Variants in ZFHX3 observed in about 807,000 individuals in gnomAD.
The protein encoded by ZFHX3 is zinc finger homeobox 3, also known as zinc finger homeobox protein 3.
In ZFHX3, 42 loss-of-function variants were observed where a neutral mutation model predicts 279.1. The observed-to-expected ratio is 0.15, with a 90% CI of 0.12 to 0.19. ZFHX3 has a LOEUF of 0.19. ZFHX3 is among the 10% of genes least tolerant of loss of function. The pLI, the probability that ZFHX3 is intolerant of heterozygous loss-of-function variation, is 1.00. For synonymous variants in ZFHX3, 2,293 were observed against 1,957.8 expected (o/e 1.17, Z -4.52); for missense variants, 4,981 against 4,754.0 (o/e 1.05, Z -1.40).
At chr16:72,848,916 C>A (rs964269264) in intron 4 of ZFHX3, among the ~76,000 whole-genome samples, 1 of 40 alleles carries the variant, frequency 0.025, no homozygotes. Context: ...CTCAGGCAGG[C>A]AGGCAGAGCG....
intron 6 of ZFHX3, among the ~76,000 whole-genome samples, chr16:73,135,068 ACT>A (rs1390753922): frequency 6.6e-6 from 1 of 152,132 alleles, no homozygotes; most frequent in Non-Finnish European, 1.5e-5. Flanking sequence ...AGACTGATAC[ACT>A]CTCTGAATAC....
intron 1 of ZFHX3, among the ~76,000 whole-genome samples, chr16:73,838,051 C>G (rs1477690488): frequency 6.6e-6 from 1 of 152,206 alleles, no homozygotes; most frequent in Non-Finnish European, 1.5e-5. Context: ...ATGGTTGGCT[C>G]ATTAGCATTT....
chr16:73,090,578 G>A (rs920574222), intron 8 of ZFHX3, among the ~76,000 whole-genome samples: 1 of 151,746 alleles, frequency 6.6e-6, no homozygotes, highest in African/African-American at 2.4e-5. Context: ...GAGGGAAAGC[G>A]GGCTGGATGT....
intron 3 of ZFHX3, among the ~76,000 whole-genome samples, chr16:73,398,220 G>C (rs2017170619): frequency 6.6e-6 from 1 of 152,178 alleles, no homozygotes; most frequent in Non-Finnish European, 1.5e-5. Flanking sequence ...GTTCAGGAGA[G>C]ATTACTGAGG....
At chr16:73,375,274 C>T (rs945265068) in intron 3 of ZFHX3, among the ~76,000 whole-genome samples, 1 of 152,196 alleles carries the variant, frequency 6.6e-6, no homozygotes, top group African/African-American at 2.4e-5. Context: ...CATTTTGTGT[C>T]GTCTTTGGCT....
chr16:73,676,015 A>G (rs1040244038), intron 2 of ZFHX3, among the ~76,000 whole-genome samples: 1 of 152,086 alleles, frequency 6.6e-6, no homozygotes, highest in Non-Finnish European at 1.5e-5. Flanking sequence ...CCAACCATCC[A>G]TCTTTCTTGA....
At chr16:73,355,362 T>C (rs1261667442) in intron 3 of ZFHX3, among the ~76,000 whole-genome samples, 1 of 152,238 alleles carries the variant, frequency 6.6e-6, no homozygotes, top group Non-Finnish European at 1.5e-5. Context: ...TTTGGGTTTT[T>C]TTCTAACTCT....
chr16:73,211,851 T>C (rs1439174980), intron 5 of ZFHX3, among the ~76,000 whole-genome samples: 1 of 151,570 alleles, frequency 6.6e-6, no homozygotes, highest in Non-Finnish European at 1.5e-5. Flanking sequence ...GGGAGGGGGG[T>C]GGCAAGTGAG....
rs369093764 is a variant in ZFHX3 at position 72,794,010 on chromosome 16, G to A, written c.8672C>T (p.Ser2891Leu). 5.5e-5 allele frequency: 89 copies of A among 1,614,080 alleles called. No homozygotes were observed. Among genetic ancestry groups the A allele is most frequent in the Non-Finnish European group, 6.4e-5 (76 of 1,180,044 alleles). The change falls in exon 9 of 10, where the codon TCA (serine) becomes TTA (leucine). Residue 2891 changes from serine to leucine, a missense_variant. Ser to Leu is a moderately radical substitution (Grantham distance 145). Transcript: ENST00000268489. The surrounding 1 kb of genome is among the most constrained non-coding windows in gnomAD (Gnocchi z 4.2). ...MAMSEYEDRL[S>L]SGLVSPAPSF... The stretch of plus-strand genomic sequence containing the variant: ...CGGGGCCGGGCTGACCAGACCAGAT[G>A]ACAACCGATCTTCATACTCAGACAT...
chr16:73,587,550 A>T (rs1211019181), intron 2 of ZFHX3, among the ~76,000 whole-genome samples: 1 of 152,178 alleles, frequency 6.6e-6, no homozygotes, highest in Non-Finnish European at 1.5e-5. Flanking sequence ...TTGCATGCCA[A>T]CACTCCACCA....
chr16:73,442,044 G>C (rs944647180), intron 3 of ZFHX3, among the ~76,000 whole-genome samples: 7 of 152,170 alleles, frequency 4.6e-5, no homozygotes, highest in Admixed American at 3.3e-4. Flanking sequence ...AGAGAGACCT[G>C]GGTCAGGCAG....
chr16:73,746,259 T>C (rs564828959), intron 1 of ZFHX3, among the ~76,000 whole-genome samples: 1 of 152,234 alleles, frequency 6.6e-6, no homozygotes, highest in African/African-American at 2.4e-5. Context: ...TACCATTATC[T>C]AGGGGAGGAT....
At chr16:73,162,694 C>T (rs1334916992) in intron 5 of ZFHX3, among the ~76,000 whole-genome samples, 2 of 152,148 alleles carry the variant, frequency 1.3e-5, no homozygotes, top group African/African-American at 2.4e-5. Context: ...AACTCCTGGG[C>T]TCAAGCAATC....
intron 2 of ZFHX3, among the ~76,000 whole-genome samples, chr16:73,655,546 A>G (rs2052714299): frequency 6.6e-6 from 1 of 152,266 alleles, no homozygotes; most frequent in Non-Finnish European, 1.5e-5. Flanking sequence ...AGGGTTGAGT[A>G]AAAATAAATC....
chr16:72,830,165 C>T (rs1451650625), intron 4 of ZFHX3, among the ~76,000 whole-genome samples: 1 of 152,220 alleles, frequency 6.6e-6, no homozygotes, highest in Non-Finnish European at 1.5e-5. Context: ...AAAACCAATC[C>T]TGGTTGAAGC....
At chr16:73,044,925 G>C (rs1241712649) in intron 1 of ZFHX3, among the ~76,000 whole-genome samples, 1 of 152,080 alleles carries the variant, frequency 6.6e-6, no homozygotes, top group Admixed American at 6.5e-5. Flanking sequence ...CTGGCCAAAA[G>C]GTGAGTTTTA....
At chr16:73,725,095 G>T (rs1368037927) in intron 1 of ZFHX3, among the ~76,000 whole-genome samples, 1 of 152,208 alleles carries the variant, frequency 6.6e-6, no homozygotes, top group South Asian at 2.1e-4. Context: ...CAGTCGAGAT[G>T]TAGAAAGCAA....
chr16:73,774,030 C>T (rs560405232), intron 1 of ZFHX3, among the ~76,000 whole-genome samples: 3 of 151,856 alleles, frequency 2.0e-5, no homozygotes, highest in East Asian at 1.9e-4. Flanking sequence ...CCCAGCTACT[C>T]GGGAGCTTAG....
chr16:73,866,648 A>G (rs2142395805), intron 1 of ZFHX3, among the ~76,000 whole-genome samples: 1 of 152,312 alleles, frequency 6.6e-6, no homozygotes, highest in South Asian at 2.1e-4. Flanking sequence ...TGTCCGGAAT[A>G]GATTTGATTC....
Sources: gnomAD v4.1 joint callset for allele counts (sites outside exome capture counted in the v4.1 genomes callset) on GRCh38, gnomAD v4.1.1 for gene constraint, Gnocchi (gnomAD v3.1) non-coding constraint, MANE v1.5 for transcripts, NCBI Gene and HGNC (gene_info 2026-07-23, HGNC 2026-07-21) for gene names.